Variants in PRKG1 observed in about 807,000 individuals in gnomAD.
PRKG1 encodes cGMP-dependent protein kinase 1.
PRKG1 carries 35 observed loss-of-function variants against 88.1 expected under a neutral mutation model. That is an observed-to-expected ratio of 0.40 (90% confidence interval 0.30 to 0.53). The LOEUF (loss-of-function observed/expected upper bound fraction) is 0.53, where lower values mean the gene tolerates loss of function less well. Among genes scored for constraint, PRKG1 ranks in the 20% least tolerant of loss-of-function variants. The probability of loss-of-function intolerance (pLI) is 0.59; values close to 1 mark genes in which losing one functional copy is unlikely to be tolerated. For missense variants in PRKG1, 540 were observed against 839.8 expected (o/e 0.64, Z 4.41); for synonymous variants, 303 against 292.5 (o/e 1.04, Z -0.37).
upstream of PRKG1, chr10:51,074,378 C>A: frequency 7.7e-7 from 1 of 1,297,298 alleles, no homozygotes; most frequent in South Asian, 1.6e-5. Context: ...AGCCTCACAG[C>A]CAGCCCAGAG....
intron 2 of PRKG1, among the ~76,000 whole-genome samples, chr10:51,380,507 A>T (rs1370638621): frequency 6.6e-6 from 1 of 152,200 alleles, no homozygotes; most frequent in East Asian, 1.9e-4. Flanking sequence ...TTGTTGAAAA[A>T]GTATGAAATA....
chr10:51,184,939 C>T (rs1837447229), intron 2 of PRKG1, among the ~76,000 whole-genome samples: 1 of 152,078 alleles, frequency 6.6e-6, no homozygotes, highest in Admixed American at 6.6e-5. Context: ...TACGAGAGGC[C>T]AATTGATCTC....
intron 3 of PRKG1, among the ~76,000 whole-genome samples, chr10:51,779,790 G>A (rs1031793040): frequency 6.6e-6 from 1 of 152,074 alleles, no homozygotes; most frequent in African/African-American, 2.4e-5. Flanking sequence ...AGCGACTGGT[G>A]ACATTTTTTT....
At chr10:51,632,033 C>G (rs1210139879) in intron 3 of PRKG1, among the ~76,000 whole-genome samples, 9 of 152,016 alleles carry the variant, frequency 5.9e-5, no homozygotes, top group African/African-American at 2.2e-4. Flanking sequence ...CACATGCAGC[C>G]CAGGACAGCT....
At chr10:51,997,895 G>A (rs1844492238) in intron 5 of PRKG1, among the ~76,000 whole-genome samples, 1 of 149,448 alleles carries the variant, frequency 6.7e-6, no homozygotes, top group Non-Finnish European at 1.5e-5. Flanking sequence ...ATTCTCTCTT[G>A]TCTTACTCTG....
At chr10:51,534,883 C>G (rs913753661) in intron 3 of PRKG1, among the ~76,000 whole-genome samples, 38 of 151,966 alleles carry the variant, frequency 2.5e-4, no homozygotes, top group African/African-American at 9.2e-4. Context: ...CAGAATAAAA[C>G]TTGGTTTGAA....
intron 2 of PRKG1, among the ~76,000 whole-genome samples, chr10:51,419,940 T>C (rs1838361971): frequency 6.6e-6 from 1 of 152,118 alleles, no homozygotes; most frequent in Admixed American, 6.6e-5. Context: ...ACTAGTTTAA[T>C]GCTTGTTCAT....
At chr10:52,217,617 G>C (rs16927986) in intron 9 of PRKG1, among the ~76,000 whole-genome samples, 1 of 152,074 alleles carries the variant, frequency 6.6e-6, no homozygotes, top group African/African-American at 2.4e-5. Flanking sequence ...TACTCAAATA[G>C]CAAGGATTAA....
intron 3 of PRKG1, among the ~76,000 whole-genome samples, chr10:51,565,345 A>G (rs4472880): frequency 0.011 from 1,675 of 152,098 alleles, 36 homozygotes; most frequent in African/African-American, 0.038. Flanking sequence ...CCCTCTTTCC[A>G]AGAGGGTATG....
At chr10:51,906,260 T>A (rs1842083996) in intron 4 of PRKG1, among the ~76,000 whole-genome samples, 1 of 152,172 alleles carries the variant, frequency 6.6e-6, no homozygotes, top group Non-Finnish European at 1.5e-5. Flanking sequence ...CTCCTCATTA[T>A]ATGTTGAGGC....
chr10:51,506,036 CA>C (rs1841191450), intron 3 of PRKG1, among the ~76,000 whole-genome samples: 2 of 151,920 alleles, frequency 1.3e-5, no homozygotes, highest in South Asian at 4.1e-4. Context: ...ACAAACCTGA[CA>C]AAAACAAGAA....
intron 3 of PRKG1, among the ~76,000 whole-genome samples, chr10:51,609,938 C>T (rs868393512): frequency 2.0e-5 from 3 of 152,192 alleles, no homozygotes; most frequent in African/African-American, 4.8e-5. Flanking sequence ...ACCACCATGG[C>T]ACACATTTAC....
intron 8 of PRKG1, among the ~76,000 whole-genome samples, chr10:52,139,579 A>G (rs1837520059): frequency 6.6e-6 from 1 of 152,178 alleles, no homozygotes; most frequent in Non-Finnish European, 1.5e-5. Context: ...TGAACCAGCC[A>G]TGCAGGAACC....
intron 7 of PRKG1, among the ~76,000 whole-genome samples, chr10:52,078,297 A>G (rs1846683051): frequency 6.6e-6 from 1 of 152,224 alleles, no homozygotes; most frequent in African/African-American, 2.4e-5. Flanking sequence ...TAAAATTGAT[A>G]AAATTTTAAA....
At position 51,360,783 on chromosome 10, in the gene PRKG1, C is replaced by T. The variant is rs1365067128; in HGVS notation, c.479-106940C>T. Reference sequence around the variant, plus strand: ...TAGTAGTAGGTGGTTGAGCCATCCACATACTCTTGCTTGGTCCTCTTGTTT... The same window carrying T: ...TAGTAGTAGGTGGTTGAGCCATCCATATACTCTTGCTTGGTCCTCTTGTTT... On this transcript the variant is annotated intron_variant, in intron 2 of 17. Coordinates refer to ENST00000373980, the MANE Select transcript of PRKG1 (RefSeq NM_006258.4). 3.9e-5 allele frequency among the ~76,000 whole-genome samples: 6 copies of T among 152,048 alleles called. No individual in the cohort carries two copies. In the East Asian group the frequency reaches 9.7e-4, roughly 25 times the overall value.
chr10:51,407,965 C>T (rs1443540304), intron 2 of PRKG1, among the ~76,000 whole-genome samples: 1 of 150,636 alleles, frequency 6.6e-6, no homozygotes, highest in Non-Finnish European at 1.5e-5. Flanking sequence ...TCAATGGAAT[C>T]ATTATGTCTC....
intron 3 of PRKG1, among the ~76,000 whole-genome samples, chr10:51,721,086 G>A (rs192884578): frequency 1.4e-3 from 207 of 151,932 alleles, no homozygotes; most frequent in Admixed American, 4.9e-3. Context: ...GGTGATGTGT[G>A]CCTGTAGTCC....
intron 2 of PRKG1, among the ~76,000 whole-genome samples, chr10:51,268,432 C>T (rs372251466): frequency 2.6e-5 from 4 of 152,080 alleles, no homozygotes; most frequent in East Asian, 1.9e-4. Flanking sequence ...GCCCCTGAAG[C>T]GGCCATTTCA....
intron 9 of PRKG1, among the ~76,000 whole-genome samples, chr10:52,237,284 C>T (rs1045766372): frequency 4.1e-5 from 6 of 146,444 alleles, no homozygotes; most frequent in African/African-American, 1.0e-4. Flanking sequence ...TCTCTCACCA[C>T]TCCTATTCAA....
Sources: allele counts gnomAD v4.1 joint callset (sites outside exome capture counted in the v4.1 genomes callset), GRCh38; gene constraint gnomAD v4.1.1; transcripts MANE v1.5; gene names NCBI Gene and HGNC (gene_info 2026-07-23, HGNC 2026-07-21).